The following NAALADL2 variants were observed in gnomAD, a reference collection of about 807,000 sequenced individuals.
NAALADL2 encodes the protein inactive N-acetylated-alpha-linked acidic dipeptidase-like protein 2.
Under a neutral mutation model 87.2 loss-of-function variants are expected in NAALADL2, and 76 were observed. That is an observed-to-expected ratio of 0.87 (90% CI 0.72 to 1.05). The LOEUF (loss-of-function observed/expected upper bound fraction) is 1.05, where lower values mean the gene tolerates loss of function less well. Among genes scored for constraint, NAALADL2 ranks in the 50% least tolerant of loss-of-function variants. NAALADL2 has a pLI of 0.00. For missense variants in NAALADL2, 1,089 were observed against 945.8 expected, an observed-to-expected ratio of 1.15 and a Z score of -1.99; for synonymous variants, 354 against 331.0, an observed-to-expected ratio of 1.07 and a Z score of -0.75.
rs1429484350 is a variant in NAALADL2, at chr3:175,673,528, T to G, written c.1896+46142T>G. ...TCAACTGGCTTTAAATATTAAAAAC[T>G]TTTTTTTTGTATTTTTTGTGTGTAA... On this transcript the variant is annotated intron_variant, in intron 11 of 13. Transcript: ENST00000454872. Among the ~76,000 whole-genome samples the G allele has an allele frequency of 2.7e-5, 4 of 148,686 alleles. No homozygotes were observed. In the East Asian group the frequency reaches 7.7e-4, roughly 29 times the overall value.
chr3:174,627,496 T>C (rs1721690407), intron 2 of NAALADL2, among the ~76,000 whole-genome samples: 2 of 152,214 alleles, frequency 1.3e-5, no homozygotes, highest in South Asian at 4.1e-4. Context: ...GAATGTAAAT[T>C]AGTACAACAT....
intron 2 of NAALADL2, among the ~76,000 whole-genome samples, chr3:174,719,033 T>C (rs1459496165): frequency 6.6e-6 from 1 of 152,210 alleles, no homozygotes; most frequent in Admixed American, 6.5e-5. Flanking sequence ...AAATCTCTGA[T>C]GTTATCACTC....
chr3:175,447,482 C>A, intron 6 of NAALADL2, 110 bp downstream of exon 6: 1 of 702,014 alleles, frequency 1.4e-6, no homozygotes, highest in Non-Finnish European at 2.1e-6. Context: ...AAAACATTGA[C>A]TTTTGATGAA....
intron 1 of NAALADL2, among the ~76,000 whole-genome samples, chr3:174,520,769 C>G (rs1560027331): frequency 6.6e-6 from 1 of 152,128 alleles, no homozygotes. Flanking sequence ...AGGTAAAAGA[C>G]AATTTACAGA....
intron 9 of NAALADL2, among the ~76,000 whole-genome samples, chr3:175,562,730 A>G (rs756585134): frequency 6.6e-6 from 1 of 152,090 alleles, no homozygotes; most frequent in Admixed American, 6.6e-5. Flanking sequence ...CAAGTATGTA[A>G]TGATTATTCT....
chr3:175,611,034 T>G (rs1179432530), intron 10 of NAALADL2, among the ~76,000 whole-genome samples: 1 of 152,050 alleles, frequency 6.6e-6, no homozygotes, highest in Non-Finnish European at 1.5e-5. Context: ...AGTGCATAAT[T>G]AAAGTCAACA....
intron 9 of NAALADL2, among the ~76,000 whole-genome samples, chr3:175,568,051 G>A (rs1406718249): frequency 1.3e-5 from 2 of 151,632 alleles, no homozygotes; most frequent in African/African-American, 4.8e-5. Flanking sequence ...ATGAAATCTG[G>A]TTTTCTTCCC....
chr3:175,190,902 C>A (rs1027371103), intron 2 of NAALADL2, among the ~76,000 whole-genome samples: 2 of 145,918 alleles, frequency 1.4e-5, no homozygotes, highest in African/African-American at 5.0e-5. Context: ...GGCGTGAACC[C>A]GGGAGGCGGA....
chr3:174,695,679 G>A (rs1728953685), intron 2 of NAALADL2, among the ~76,000 whole-genome samples: 1 of 151,948 alleles, frequency 6.6e-6, no homozygotes, highest in Admixed American at 6.6e-5. Context: ...ATAAGCAAAT[G>A]AGTTTGTCTA....
intron 9 of NAALADL2, among the ~76,000 whole-genome samples, chr3:175,505,472 A>G (rs1214987351): frequency 6.6e-6 from 1 of 152,198 alleles, no homozygotes; most frequent in African/African-American, 2.4e-5. Flanking sequence ...GGTTTGTTTC[A>G]TAGCAAAAGA....
intron 2 of NAALADL2, among the ~76,000 whole-genome samples, chr3:174,563,065 G>T (rs1031390880): frequency 6.6e-6 from 1 of 151,898 alleles, no homozygotes; most frequent in East Asian, 1.9e-4. Context: ...AGTCATTTAA[G>T]CAATATATTG....
intron 1 of NAALADL2, among the ~76,000 whole-genome samples, chr3:175,034,468 T>G (rs190632260): frequency 2.5e-3 from 375 of 152,214 alleles, no homozygotes; most frequent in African/African-American, 8.3e-3. Flanking sequence ...ATTAGAACTG[T>G]TTCCTTGTAT....
At chr3:175,239,501 C>T (rs1746468073) in intron 3 of NAALADL2, among the ~76,000 whole-genome samples, 1 of 152,156 alleles carries the variant, frequency 6.6e-6, no homozygotes, top group South Asian at 2.1e-4. Context: ...ATTTGCTATA[C>T]ATTGGTCAGA....
chr3:175,574,183 T>C (rs541687244), intron 9 of NAALADL2, among the ~76,000 whole-genome samples: 17 of 152,346 alleles, frequency 1.1e-4, no homozygotes, highest in African/African-American at 3.4e-4. Flanking sequence ...TTGATAAATA[T>C]TAGCAAAAGA....
At chr3:175,160,632 G>T (rs4894697) in intron 2 of NAALADL2, among the ~76,000 whole-genome samples, 26 of 151,638 alleles carry the variant, frequency 1.7e-4, no homozygotes, top group Non-Finnish European at 7.4e-5. Context: ...GATTACAGGC[G>T]TGAGCCACTG....
intron 5 of NAALADL2, among the ~76,000 whole-genome samples, chr3:175,443,006 C>G (rs1720077491): frequency 6.6e-6 from 1 of 152,118 alleles, no homozygotes. Context: ...ATGTGTTTAG[C>G]TTTGTTCAAA....
At chr3:175,056,322 G>A (rs1712160994) in intron 1 of NAALADL2, among the ~76,000 whole-genome samples, 1 of 152,108 alleles carries the variant, frequency 6.6e-6, no homozygotes, top group East Asian at 1.9e-4. Context: ...AGTTTCCAAA[G>A]TGGAATGAAC....
chr3:174,819,535 T>G (rs79690984), intron 3 of NAALADL2, among the ~76,000 whole-genome samples: 2 of 152,126 alleles, frequency 1.3e-5, no homozygotes, highest in East Asian at 3.9e-4. Context: ...GAGGTCTGAC[T>G]TCTCATACAC....
intron 9 of NAALADL2, among the ~76,000 whole-genome samples, chr3:175,507,132 G>T (rs1435612441): frequency 4.6e-5 from 7 of 151,140 alleles, no homozygotes; most frequent in African/African-American, 1.7e-4. Flanking sequence ...CAACACAAAA[G>T]GCTAATAAAC....
Sources: gnomAD v4.1 joint callset for allele counts (sites outside exome capture counted in the v4.1 genomes callset) on GRCh38, gnomAD v4.1.1 for gene constraint, MANE v1.5 for transcripts, NCBI Gene and HGNC (gene_info 2026-07-23, HGNC 2026-07-21) for gene names.